The following KIF25 variants were observed in gnomAD, a reference collection of about 807,000 sequenced individuals.
The protein encoded by KIF25 is kinesin-like protein KIF25.
Under a neutral mutation model 32.9 loss-of-function variants are expected in KIF25, and 19 were observed. The observed-to-expected ratio is 0.58, with a 90% confidence interval of 0.40 to 0.85. The LOEUF (loss-of-function observed/expected upper bound fraction) is 0.85. Among genes scored for constraint, KIF25 ranks in the 40% least tolerant of loss-of-function variants. KIF25 has a pLI of 0.00. For synonymous variants in KIF25, 225 were observed against 213.7 expected, an observed-to-expected ratio of 1.05 and a Z score of -0.46; for missense variants, 485 against 507.0, an observed-to-expected ratio of 0.96 and a Z score of 0.42.
At chr6:168,042,356 C>T (rs997938018) in intron 11 of KIF25, among the ~76,000 whole-genome samples, 2 of 152,180 alleles carry the variant, frequency 1.3e-5, no homozygotes, top group African/African-American at 4.8e-5. Context: ...TCACACGGGC[C>T]CTCTGGGAAC....
chr6:168,034,082 G>T, intron 8 of KIF25, 51 bp downstream of exon 8: 1 of 1,601,388 alleles, frequency 6.2e-7, no homozygotes, highest in Non-Finnish European at 8.5e-7. Context: ...GGGAAGCCAG[G>T]CGGTCAGCAC....
At chr6:168,014,641 C>T (rs529988454) in intron 4 of KIF25, among the ~76,000 whole-genome samples, 2 of 152,308 alleles carry the variant, frequency 1.3e-5, no homozygotes, top group South Asian at 2.1e-4. Context: ...TTGTATTGGA[C>T]GTGTAACACG....
chr6:168,024,731 G>A (rs1391525278), intron 5 of KIF25, among the ~76,000 whole-genome samples: 1 of 151,966 alleles, frequency 6.6e-6, no homozygotes, highest in Non-Finnish European at 1.5e-5. Context: ...CAAGGCGGGT[G>A]GATCATCTGA....
chr6:168,041,402 G>A (rs73788698), intron 10 of KIF25, among the ~76,000 whole-genome samples: 3,586 of 152,138 alleles, frequency 0.024, 162 homozygotes, highest in African/African-American at 0.082. Flanking sequence ...TACCAAAAAC[G>A]CTCCCGATAC....
intron 2 of KIF25, among the ~76,000 whole-genome samples, chr6:168,001,243 C>T (rs1812028): frequency 0.32 from 49,170 of 152,070 alleles, 8,314 homozygotes; most frequent in East Asian, 0.52. Context: ...TTGTATGGAC[C>T]GGTTCAGCAA....
chr6:168,031,790 GGA>G, intron 7 of KIF25, among the ~76,000 whole-genome samples: 1 of 152,204 alleles, frequency 6.6e-6, no homozygotes, highest in Non-Finnish European at 1.5e-5. Context: ...CGAAACAGAT[GGA>G]GTTAGTTTGA....
chr6:168,016,967 G>A (rs1362402633), intron 4 of KIF25, among the ~76,000 whole-genome samples: 3 of 152,200 alleles, frequency 2.0e-5, no homozygotes, highest in East Asian at 3.9e-4. Flanking sequence ...GGATTCCCAC[G>A]GCCTCTCACC....
chr6:168,044,086 G>C (rs545203632), intron 12 of KIF25, among the ~76,000 whole-genome samples: 2 of 152,342 alleles, frequency 1.3e-5, no homozygotes, highest in South Asian at 2.1e-4. Context: ...CCCAATTCCC[G>C]GGACACAGGA....
intron 4 of KIF25, among the ~76,000 whole-genome samples, chr6:168,012,989 C>T (rs1798668195): frequency 6.6e-6 from 1 of 151,672 alleles, no homozygotes; most frequent in Non-Finnish European, 1.5e-5. Context: ...GCGGCTGTTT[C>T]TTGGGCCTGG....
intron 8 of KIF25, among the ~76,000 whole-genome samples, chr6:168,034,740 G>C (rs1316096959): frequency 6.6e-6 from 1 of 152,192 alleles, no homozygotes; most frequent in African/African-American, 2.4e-5. Context: ...CTTCTCTTCA[G>C]GGGTCCAGCC....
At chr6:168,019,015 G>A (rs1386859973) in intron 5 of KIF25, among the ~76,000 whole-genome samples, 1 of 152,228 alleles carries the variant, frequency 6.6e-6, no homozygotes, top group East Asian at 1.9e-4. Context: ...TCCCGCCGGG[G>A]CAGAAATACC....
In KIF25 at chr6:168,038,861, G is replaced by A. The variant is rs115160168; in HGVS notation, c.494+132G>A. ...AAGGATCCCAAGGAGAATCGGCCGT[G>A]GTGGCCCGATCAGTGCTCCTTGTCA... On this transcript the variant is annotated intron_variant, in intron 9 of 12. Transcript: ENST00000643607. 5.4e-5 allele frequency: 46 copies of A among 850,802 alleles called. No homozygotes were observed. In the African/African-American group the frequency reaches 7.0e-4, roughly 13 times the overall value. The allele number at this position is 850,802 out of a possible 1,614,324, so 52.7% of individuals were successfully genotyped here.
chr6:168,037,751 C>T (rs1483348450), intron 8 of KIF25, among the ~76,000 whole-genome samples: 1 of 151,400 alleles, frequency 6.6e-6, no homozygotes, highest in Admixed American at 6.6e-5. Flanking sequence ...TGTGCAGCTG[C>T]TTTTTGTTTT....
intron 2 of KIF25, among the ~76,000 whole-genome samples, chr6:168,000,582 G>C (rs1215826878): frequency 1.2e-5 from 1 of 86,084 alleles, no homozygotes; most frequent in Non-Finnish European, 2.2e-5. Context: ...TCCCATTGCC[G>C]ACCACATCTG....
Position 168,044,850 on chromosome 6 carries a change from A to T in KIF25, c.1009A>T (p.Ile337Phe), listed in dbSNP as rs1390672564. Reference sequence around the variant, plus strand: ...AGGAGGCGATGCGAAGTTACTGGTGATTCTCTGCATTTCTCCCAGCCAGAG... The same window carrying T: ...AGGAGGCGATGCGAAGTTACTGGTGTTTCTCTGCATTTCTCCCAGCCAGAG... ...CLGGDAKLLV[I>F]LCISPSQRHL... is the part of the protein sequence containing the mutation. Residue 337 changes from isoleucine (I) to phenylalanine (F), a missense_variant, in exon 13 of 13, where the codon ATT (isoleucine) becomes TTT (phenylalanine). Physicochemically the swap from Ile to Phe is conservative, Grantham distance 21. Coordinates refer to ENST00000643607, the MANE Select transcript of KIF25 (RefSeq NM_030615.4). 3 of 1,597,744 alleles carry T rather than the reference A, an allele frequency of 1.9e-6. No individual in the cohort carries two copies. Among genetic ancestry groups the T allele is most frequent in the Non-Finnish European group, 2.6e-6 (3 of 1,171,332 alleles).
At chr6:168,035,890 G>C in intron 8 of KIF25, 2 of 421,868 alleles carry the variant, frequency 4.7e-6, no homozygotes, top group Non-Finnish European at 9.8e-6. Context: ...CACGGACCGT[G>C]TCCTCCCTCA....
At position 168,038,743 on chromosome 6, in the gene KIF25, C is replaced by G. The variant is rs368096529; in HGVS notation, c.494+14C>G. The G allele has an allele frequency of 7.5e-6, 12 of 1,608,548 alleles. No individual in the cohort carries two copies. In the African/African-American group the frequency reaches 1.6e-4, roughly 22 times the overall value. ...GCTGGCCTCTGAGTGAGTACTGCAC[C>G]TGCCCCGTGCTGCTGGCCTCTGAGT... On this transcript the variant is annotated intron_variant, in intron 9 of 12. Coordinates refer to ENST00000643607, the MANE Select transcript of KIF25 (RefSeq NM_030615.4).
rs1798472203 is a variant in KIF25, at chr6:167,999,812, TC to T, written c.-370+493del. On this transcript the variant is annotated intron_variant, in intron 2 of 12. Coordinates refer to ENST00000643607, the MANE Select transcript of KIF25 (RefSeq NM_030615.4). ...TGGATACAGCAAAATTATCTGAAGTTCATTTACTCAAATGCTTACTTGAAAA... is the reference window on the plus strand; with the variant it reads ...TGGATACAGCAAAATTATCTGAAGTTATTTACTCAAATGCTTACTTGAAAA... Among the ~76,000 whole-genome samples, 4 of 152,178 alleles carry T rather than the reference TC, an allele frequency of 2.6e-5. 1 individual carries two copies. In the South Asian group the frequency reaches 8.3e-4, roughly 32 times the overall value.
chr6:168,000,753 A>G (rs553196992), intron 2 of KIF25, among the ~76,000 whole-genome samples: 1 of 152,042 alleles, frequency 6.6e-6, no homozygotes, highest in Non-Finnish European at 1.5e-5. Flanking sequence ...TCCCAACGCC[A>G]TATGGGGTTG....
Sources: allele counts gnomAD v4.1 joint callset (sites outside exome capture counted in the v4.1 genomes callset), GRCh38; gene constraint gnomAD v4.1.1; transcripts MANE v1.5; gene names NCBI Gene and HGNC (gene_info 2026-07-23, HGNC 2026-07-21).